SLC15A2: variants seen among roughly 807,000 people sequenced by gnomAD.
SLC15A2 encodes the protein kidney H(+)/peptide cotransporter.
Under a neutral mutation model 95.5 loss-of-function variants are expected in SLC15A2, and 77 were observed. That is an observed-to-expected ratio of 0.81 (90% CI 0.67 to 0.97). The LOEUF is 0.97. Ranked by LOEUF, SLC15A2 falls within the 50% of genes least tolerant of loss-of-function variation. The pLI, the probability that SLC15A2 is intolerant of heterozygous loss-of-function variation, is 0.00. For synonymous variants in SLC15A2, 306 were observed against 306.9 expected, an observed-to-expected ratio of 1.00 and a Z score of 0.03; for missense variants, 893 against 874.4, an observed-to-expected ratio of 1.02 and a Z score of -0.27.
intron 13 of SLC15A2, among the ~76,000 whole-genome samples, chr3:121,925,811 G>A (rs567944390): frequency 8.1e-6 from 1 of 123,646 alleles, no homozygotes; most frequent in Admixed American, 9.0e-5. Flanking sequence ...GGTAAAATAA[G>A]TGTCCTAAGA....
At position 121,941,725 on chromosome 3, in the gene SLC15A2, G is replaced by A. The variant is rs1434807017; in HGVS notation, c.*718G>A. ...GTAAGCATTAGTAAACATTGTTCTG[G>A]AGAACAGGAACAGGTGTAAGTTGTA... On this transcript the variant is annotated 3_prime_UTR_variant, in exon 22 of 22. Transcript: ENST00000489711. 6.6e-6 allele frequency: 1 copy of A among 152,190 alleles called. No individual in the cohort carries two copies. The highest frequency in any genetic ancestry group is 2.4e-5 in the African/African-American group (1 of 41,428). 9.4% of individuals were successfully genotyped at this position (152,190 alleles called of 1,614,324 possible). A position where few individuals can be genotyped will look rare whatever the true frequency, so the allele number is the denominator to read the frequency against.
intron 7 of SLC15A2, 56 bp downstream of exon 7, chr3:121,915,749 G>A (rs1417570282): frequency 8.1e-7 from 1 of 1,236,010 alleles, no homozygotes; most frequent in Non-Finnish European, 1.2e-6. Context: ...CACATGTAAA[G>A]CATCATGTAG....
Position 121,942,082 on chromosome 3 carries a change from T to G in SLC15A2, c.*1075T>G, listed in dbSNP as rs1230170909. 1 of 152,196 alleles carries G rather than the reference T, an allele frequency of 6.6e-6. No individual in the cohort carries two copies. Among genetic ancestry groups the G allele is most frequent in the Non-Finnish European group, 1.5e-5 (1 of 68,006 alleles). 9.4% of individuals were successfully genotyped at this position (152,196 alleles called of 1,614,324 possible). On this transcript the variant is annotated 3_prime_UTR_variant, in exon 22 of 22. Transcript: ENST00000489711. Reference sequence around the variant, plus strand: ...TAAATACCATTTCTGCCTTGAAGCCTAGAAATTTTCTTTTTATTCAAAAAA... The same window carrying G: ...TAAATACCATTTCTGCCTTGAAGCCGAGAAATTTTCTTTTTATTCAAAAAA...
intron 18 of SLC15A2, among the ~76,000 whole-genome samples, chr3:121,931,314 C>T (rs1256323494): frequency 6.6e-6 from 1 of 152,210 alleles, no homozygotes; most frequent in Admixed American, 6.5e-5. Context: ...CTCAGGTTCA[C>T]TGTTATAGCC....
chr3:121,940,380 C>T lies in SLC15A2; in HGVS notation c.1909-4C>T. 1 of 1,612,932 alleles carries T rather than the reference C, an allele frequency of 6.2e-7. No homozygotes were observed. Among genetic ancestry groups the T allele is most frequent in the Non-Finnish European group, 8.5e-7 (1 of 1,179,096 alleles). ...GTTTACTTTCAAACTTGTGTCATCC[C>T]CAGGCTCCCTCTAGCATGAAATCTG... On this transcript the variant is annotated splice_polypyrimidine_tract_variant and splice_region_variant and intron_variant, in intron 20 of 21. Transcript: ENST00000489711.
chr3:121,894,481 A>C lies in SLC15A2; in HGVS notation c.5A>C (p.Asn2Thr). Residue 2 changes from asparagine (N) to threonine (T), a missense_variant, in exon 1 of 22, where the codon AAT becomes ACT. Transcript: ENST00000489711. MNPFQKNESKET... is the reference protein window; with the variant it reads MTPFQKNESKET... ...AGAGAGAGTAAGGAGCCAGCCATGA[A>C]TCCTTTCCAGAAAAATGAGTCCAAG... 1 of 1,612,592 alleles carries C rather than the reference A, an allele frequency of 6.2e-7. No homozygotes were observed. Among genetic ancestry groups the C allele is most frequent in the Non-Finnish European group, 8.5e-7 (1 of 1,179,104 alleles).
intron 18 of SLC15A2, among the ~76,000 whole-genome samples, 164 bp from the exon 19 acceptor site, chr3:121,931,475 G>C (rs1032008176): frequency 2.0e-5 from 3 of 152,148 alleles, no homozygotes; most frequent in Non-Finnish European, 2.9e-5. Flanking sequence ...ACAGAAGCCT[G>C]GCATGAAAAT....
chr3:121,918,699 G>A (rs1226586092), intron 7 of SLC15A2, among the ~76,000 whole-genome samples: 1 of 152,196 alleles, frequency 6.6e-6, no homozygotes, highest in Non-Finnish European at 1.5e-5. Context: ...TCTTGGATAT[G>A]AAGAAGATTT....
intron 20 of SLC15A2, 49 bp downstream of exon 20, chr3:121,939,544 C>T (rs758129473): frequency 7.0e-7 from 1 of 1,435,752 alleles, no homozygotes. Context: ...GCTTGAAGGA[C>T]AATGAATTTT....
At position 121,928,432 on chromosome 3, in the gene SLC15A2, A is replaced by G. The variant is rs1710164190; in HGVS notation, c.1218A>G (p.Pro406=). The change falls in exon 15 of 22, where the codon CCA becomes CCG. Residue 406 remains proline, a synonymous_variant. Transcript: ENST00000489711. ...TTCTTTGCTCTAAGGAAATGGCCCC[A>G]GCCCAGCCAGGTCCCCAGGAGGTTT... ...AVEIKINEMA[P]AQPGPQEVFL... is the part of the protein sequence containing the mutation. The G allele has an allele frequency of 6.2e-7, 1 of 1,613,742 alleles. No individual in the cohort carries two copies. The highest frequency in any genetic ancestry group is 8.5e-7 in the Non-Finnish European group (1 of 1,179,836).
intron 1 of SLC15A2, among the ~76,000 whole-genome samples, chr3:121,895,853 T>C (rs977801835): frequency 3.9e-5 from 6 of 152,202 alleles, no homozygotes; most frequent in African/African-American, 1.4e-4. Context: ...GGTGATCAAT[T>C]AGCTTACCCT....
chr3:121,940,800 A>G (rs1406454619), intron 21 of SLC15A2, 31 bp from the exon 22 acceptor site: 1 of 1,592,212 alleles, frequency 6.3e-7, no homozygotes, highest in Admixed American at 1.7e-5. Flanking sequence ...AGGTTTCTCC[A>G]TATTCTTCTC....
Position 121,941,273 on chromosome 3 carries a change from A to C in SLC15A2, c.*266A>C, listed in dbSNP as rs1710460043. 3.2e-6 allele frequency: 1 copy of C among 316,248 alleles called. No homozygotes were observed. The highest frequency in any genetic ancestry group is 4.6e-5 in the Admixed American group (1 of 21,676). The allele number at this position is 316,248 out of a possible 1,614,324, so 19.6% of individuals were successfully genotyped here. Reference sequence around the variant, plus strand: ...CCTGGTGTCTCCAAATGACCATGAAAATACACACGTATAATGGAGATCATT... The same window carrying C: ...CCTGGTGTCTCCAAATGACCATGAACATACACACGTATAATGGAGATCATT... On this transcript the variant is annotated 3_prime_UTR_variant, in exon 22 of 22. Transcript: ENST00000489711.
At chr3:121,934,133 G>A (rs1165174696) in intron 19 of SLC15A2, among the ~76,000 whole-genome samples, 1 of 152,080 alleles carries the variant, frequency 6.6e-6, no homozygotes, top group Non-Finnish European at 1.5e-5. Context: ...TCTCTGTTTT[G>A]GTACCAGTAA....
At chr3:121,928,164 G>A in intron 14 of SLC15A2, 1 of 546,710 alleles carries the variant, frequency 1.8e-6, no homozygotes. Context: ...AGATTGAATA[G>A]CCACTATTAC....
intron 11 of SLC15A2, 71 bp downstream of exon 11, chr3:121,923,337 C>A: frequency 2.7e-6 from 4 of 1,495,614 alleles, no homozygotes; most frequent in East Asian, 4.5e-5. Flanking sequence ...AAATTAATTT[C>A]TTTGTGATTT....
chr3:121,936,437 C>A (rs984607895), intron 19 of SLC15A2, among the ~76,000 whole-genome samples: 6 of 152,052 alleles, frequency 3.9e-5, no homozygotes, highest in East Asian at 1.9e-4. Context: ...TGCTTTATGA[C>A]TCTGGGTGCT....
At chr3:121,918,389 A>G (rs1184884123) in intron 7 of SLC15A2, among the ~76,000 whole-genome samples, 1 of 152,168 alleles carries the variant, frequency 6.6e-6, no homozygotes, top group Non-Finnish European at 1.5e-5. Flanking sequence ...AACATGTTGC[A>G]TTTTATATGT....
intron 19 of SLC15A2, among the ~76,000 whole-genome samples, chr3:121,933,634 T>C (rs1375477982): frequency 6.0e-5 from 9 of 150,860 alleles, no homozygotes; most frequent in Non-Finnish European, 1.3e-4. Context: ...GTAAATTTGT[T>C]TGAGTTCATT....
Sources: allele counts gnomAD v4.1 joint callset (sites outside exome capture counted in the v4.1 genomes callset), GRCh38; gene constraint gnomAD v4.1.1; transcripts MANE v1.5; gene names NCBI Gene and HGNC (gene_info 2026-07-23, HGNC 2026-07-21).